COPG2: variants seen among roughly 807,000 people sequenced by gnomAD.
The protein encoded by COPG2 is coatomer subunit gamma-2.
Under a neutral mutation model 46.3 loss-of-function variants are expected in COPG2, and 37 were observed. That is an observed-to-expected ratio of 0.80 (90% CI 0.61 to 1.05). COPG2 has a LOEUF of 1.05. COPG2 is among the 50% of genes least tolerant of loss of function. The probability of loss-of-function intolerance (pLI) is 0.00; values close to 1 mark genes in which losing one functional copy is unlikely to be tolerated. For missense variants in COPG2, 427 were observed against 387.8 expected, an observed-to-expected ratio of 1.10 and a Z score of -0.85; for synonymous variants, 159 against 129.7, an observed-to-expected ratio of 1.23 and a Z score of -1.53.
intron 9 of COPG2, among the ~76,000 whole-genome samples, chr7:130,599,274 G>C (rs1794587988): frequency 6.6e-6 from 1 of 152,172 alleles, no homozygotes; most frequent in Admixed American, 6.5e-5. Flanking sequence ...GCTATGGGCT[G>C]GTAAGTGAAC....
chr7:130,613,091 A>T (rs7792407), intron 7 of COPG2, among the ~76,000 whole-genome samples: 32,640 of 151,968 alleles, frequency 0.21, 3,664 homozygotes, highest in Middle Eastern at 0.29. Context: ...GGCACCAGGG[A>T]TTGGTTTTAT....
intron 20 of COPG2, chr7:130,509,065 C>G (rs782596669): frequency 4.3e-6 from 2 of 460,334 alleles, no homozygotes; most frequent in African/African-American, 4.1e-5. Context: ...TGGTAAAAAG[C>G]ATACAGATCA....
intron 5 of COPG2, among the ~76,000 whole-genome samples, chr7:130,642,044 C>G (rs1311142580): frequency 1.3e-5 from 2 of 152,194 alleles, no homozygotes; most frequent in Non-Finnish European, 2.9e-5. Flanking sequence ...TTCCTCAGGA[C>G]TCAATTCCAG....
chr7:130,511,930 A>G, intron 20 of COPG2: 1 of 481,388 alleles, frequency 2.1e-6, no homozygotes, highest in South Asian at 1.5e-5. Flanking sequence ...AAAGCTATAG[A>G]TGGGCCGGGT....
At chr7:130,610,111 T>TG in intron 9 of COPG2, 2 of 519,670 alleles carry the variant, frequency 3.8e-6, no homozygotes, top group South Asian at 2.8e-5. Context: ...TACATGTCAC[T>TG]GCCTCTGTAT....
chr7:130,606,889 T>G (rs1554451334), intron 9 of COPG2, among the ~76,000 whole-genome samples: 1 of 152,210 alleles, frequency 6.6e-6, no homozygotes, highest in African/African-American at 2.4e-5. Flanking sequence ...AATTTCTACT[T>G]AGCTCTTTTT....
chr7:130,577,737 T>C (rs1794033711), intron 9 of COPG2, among the ~76,000 whole-genome samples: 1 of 133,862 alleles, frequency 7.5e-6, no homozygotes, highest in East Asian at 2.2e-4. Context: ...GTCCGCAGTC[T>C]GGCCTGGGCG....
At chr7:130,515,481 G>A (rs960875876) in intron 20 of COPG2, among the ~76,000 whole-genome samples, 1 of 152,136 alleles carries the variant, frequency 6.6e-6, no homozygotes, top group Admixed American at 6.5e-5. Flanking sequence ...TCCAACACTG[G>A]GGATGACAGT....
intron 9 of COPG2, among the ~76,000 whole-genome samples, chr7:130,593,279 T>A (rs1421055500): frequency 6.6e-6 from 1 of 152,240 alleles, no homozygotes; most frequent in African/African-American, 2.4e-5. Flanking sequence ...GAAATAGCCC[T>A]AAAGTCCCAA....
chr7:130,660,448 A>G (rs1554460577), intron 4 of COPG2, among the ~76,000 whole-genome samples: 2 of 151,976 alleles, frequency 1.3e-5, no homozygotes, highest in African/African-American at 4.8e-5. Context: ...TCCTCCTGCA[A>G]CCCTCTGAAA....
intron 5 of COPG2, among the ~76,000 whole-genome samples, chr7:130,622,114 G>A (rs1795050104): frequency 6.6e-6 from 1 of 152,114 alleles, no homozygotes; most frequent in African/African-American, 2.4e-5. Context: ...AGACGGTGAA[G>A]TGAATGACAG....
At chr7:130,546,237 A>G (rs1452096101) in intron 20 of COPG2, among the ~76,000 whole-genome samples, 1 of 152,320 alleles carries the variant, frequency 6.6e-6, no homozygotes, top group East Asian at 1.9e-4. Context: ...AATGGTAGAA[A>G]CCACAGGACT....
At chr7:130,662,517 T>G (rs952150647) in intron 4 of COPG2, among the ~76,000 whole-genome samples, 6 of 152,194 alleles carry the variant, frequency 3.9e-5, no homozygotes, top group African/African-American at 1.2e-4. Context: ...CCTAAGGTAA[T>G]GAGAGGCAGG....
chr7:130,594,279 T>C (rs926348156), intron 9 of COPG2, among the ~76,000 whole-genome samples: 7 of 152,172 alleles, frequency 4.6e-5, no homozygotes, highest in African/African-American at 7.2e-5. Context: ...TCGTTTTTCA[T>C]GAAACGGTGC....
intron 3 of COPG2, among the ~76,000 whole-genome samples, chr7:130,663,867 T>C (rs1417730237): frequency 4.7e-5 from 7 of 150,144 alleles, no homozygotes; most frequent in African/African-American, 9.8e-5. Context: ...GCCTCCCAAG[T>C]AGCTGTGATT....
intron 9 of COPG2, among the ~76,000 whole-genome samples, chr7:130,583,295 A>C (rs1794191421): frequency 6.7e-6 from 1 of 149,124 alleles, no homozygotes; most frequent in African/African-American, 2.5e-5. Context: ...GGAATTGAAC[A>C]ATGAGATCAC....
intron 4 of COPG2, among the ~76,000 whole-genome samples, chr7:130,661,481 T>G (rs1795977915): frequency 6.6e-6 from 1 of 152,222 alleles, no homozygotes. Context: ...ATACTCATAG[T>G]GGTTCTGTTT....
intron 19 of COPG2, 107 bp downstream of exon 19, chr7:130,548,296 C>T (rs1793477896): frequency 2.5e-6 from 1 of 396,636 alleles, no homozygotes; most frequent in African/African-American, 2.1e-5. Flanking sequence ...GAAATTCTGC[C>T]AAATTAATTC....
intron 9 of COPG2, chr7:130,608,161 T>C (rs923773215): frequency 9.4e-6 from 4 of 426,836 alleles, no homozygotes; most frequent in Non-Finnish European, 1.8e-5. Flanking sequence ...CCTCAAGAGA[T>C]TACAATATTC....
Sources: gnomAD v4.1 joint callset for allele counts (sites outside exome capture counted in the v4.1 genomes callset) on GRCh38, gnomAD v4.1.1 for gene constraint, MANE v1.5 for transcripts, NCBI Gene and HGNC (gene_info 2026-07-23, HGNC 2026-07-21) for gene names.